Variants in SDK1 observed in about 807,000 individuals in gnomAD.
SDK1 encodes the protein sidekick cell adhesion molecule 1.
In SDK1, 157 loss-of-function variants were observed where a neutral mutation model predicts 245.5. That is an observed-to-expected ratio of 0.64 (90% CI 0.56 to 0.73). The LOEUF (loss-of-function observed/expected upper bound fraction) is 0.73. Ranked by LOEUF, SDK1 falls within the 30% of genes least tolerant of loss-of-function variation. The probability of loss-of-function intolerance (pLI) is 0.00; values close to 1 mark genes in which losing one functional copy is unlikely to be tolerated. For synonymous variants in SDK1, 1,647 were observed against 1,278.5 expected (o/e 1.29, Z -6.15); for missense variants, 3,583 against 3,002.3 (o/e 1.19, Z -4.52).
rs546031240 is a variant in SDK1 at position 3,755,191 on chromosome 7, G to T, written c.714-66259G>T. Among the ~76,000 whole-genome samples, 6 of 152,300 alleles carry T rather than the reference G, an allele frequency of 3.9e-5. No individual in the cohort carries two copies. The East Asian group carries it at 1.2e-3, about 29-fold the overall frequency. On this transcript the variant is annotated intron_variant, in intron 4 of 44. Coordinates refer to ENST00000404826, the MANE Select transcript of SDK1 (RefSeq NM_152744.4). ...CACTCTGATTGGAGGCTGTTGGCCTGGGGAAGCCGGAAGTGGGCTTACTAG... is the reference window on the plus strand; with the variant it reads ...CACTCTGATTGGAGGCTGTTGGCCTTGGGAAGCCGGAAGTGGGCTTACTAG...
rs1438033927 is a variant in SDK1 at position 4,145,849 on chromosome 7, G to A, written c.4356G>A (p.Leu1452=). The A allele has an allele frequency of 6.2e-7, 1 of 1,613,782 alleles. No homozygotes were observed. The highest frequency in any genetic ancestry group is 2.2e-5 in the East Asian group (1 of 44,878). ...CGGAGTCCGCATACATCTTCAGGCT[G>A]TCCGCCAAGACGAGGCAGGGCTGGG... ...LAPESAYIFR[L]SAKTRQGWGE... is the part of the protein sequence containing the mutation. The change falls in exon 29 of 45, where the codon CTG becomes CTA. Residue 1452 remains leucine (L), a synonymous_variant. Transcript: ENST00000404826.
intron 5 of SDK1, among the ~76,000 whole-genome samples, chr7:3,900,197 C>T (rs1424423804): frequency 1.3e-5 from 2 of 152,176 alleles, no homozygotes; most frequent in African/African-American, 4.8e-5. Flanking sequence ...ATATTTTCAT[C>T]CCCATAATTC....
At position 3,432,349 on chromosome 7, in the gene SDK1, T is replaced by C. The variant is rs1418269675; in HGVS notation, c.298+130465T>C. On this transcript the variant is annotated intron_variant, in intron 1 of 44. Coordinates refer to ENST00000404826, the MANE Select transcript of SDK1 (RefSeq NM_152744.4). ...CCAGTCAAGAATGACTGTAGGCAGT[T>C]TCAGTTTATCTGTTGCTACTAGAAT... 3.3e-5 allele frequency among the ~76,000 whole-genome samples: 5 copies of C among 152,032 alleles called. No homozygotes were observed. In the East Asian group the frequency reaches 9.7e-4, roughly 29 times the overall value.
intron 1 of SDK1, among the ~76,000 whole-genome samples, chr7:3,302,707 C>G (rs59365175): frequency 6.6e-6 from 1 of 151,770 alleles, no homozygotes; most frequent in Non-Finnish European, 1.5e-5. Flanking sequence ...AAAACACCCC[C>G]CTCAACCCAG....
intron 4 of SDK1, among the ~76,000 whole-genome samples, chr7:3,660,942 T>A (rs950729295): frequency 6.6e-6 from 1 of 152,238 alleles, no homozygotes; most frequent in Non-Finnish European, 1.5e-5. Context: ...ACTTTAATAG[T>A]CAGGGTCTGT....
chr7:3,836,985 C>T (rs529930527), intron 5 of SDK1, among the ~76,000 whole-genome samples: 15 of 152,140 alleles, frequency 9.9e-5, no homozygotes, highest in African/African-American at 2.9e-4. Context: ...GGAAGGGAGG[C>T]GAGCTTTAGA....
chr7:4,025,352 G>A (rs1240955878), intron 17 of SDK1, among the ~76,000 whole-genome samples: 1 of 152,218 alleles, frequency 6.6e-6, no homozygotes, highest in Admixed American at 6.5e-5. Context: ...AAAGACAGAC[G>A]GGTCTGAGTG....
intron 1 of SDK1, among the ~76,000 whole-genome samples, chr7:3,350,719 T>C (rs756867966): frequency 1.3e-5 from 2 of 152,184 alleles, no homozygotes; most frequent in Non-Finnish European, 2.9e-5. Context: ...CCTTCTACAG[T>C]CACCAATGTC....
intron 4 of SDK1, among the ~76,000 whole-genome samples, chr7:3,772,314 A>T (rs557491968): frequency 6.6e-6 from 1 of 151,958 alleles, no homozygotes; most frequent in East Asian, 1.9e-4. Flanking sequence ...TTGGTATCCT[A>T]AAGTCAAATA....
At chr7:4,105,302 T>C (rs1248892759) in intron 22 of SDK1, among the ~76,000 whole-genome samples, 2 of 150,432 alleles carry the variant, frequency 1.3e-5, no homozygotes, top group Non-Finnish European at 3.0e-5. Flanking sequence ...ATTTTTTGTT[T>C]TTTGTTTGTT....
chr7:3,638,714 G>A (rs1273682467), intron 2 of SDK1, among the ~76,000 whole-genome samples: 5 of 150,808 alleles, frequency 3.3e-5, no homozygotes, highest in African/African-American at 7.3e-5. Context: ...CAGCACACCA[G>A]CATGGCACAT....
intron 44 of SDK1, among the ~76,000 whole-genome samples, chr7:4,261,805 C>T (rs928151293): frequency 5.9e-5 from 9 of 151,954 alleles, no homozygotes; most frequent in Admixed American, 3.3e-4. Flanking sequence ...GAGACGGGGG[C>T]CCTGGGAAGC....
chr7:3,971,179 C>T (rs928837709), intron 11 of SDK1, among the ~76,000 whole-genome samples: 24 of 152,244 alleles, frequency 1.6e-4, no homozygotes, highest in African/African-American at 5.3e-4. Flanking sequence ...CCTAGAACCT[C>T]ATCCACACCT....
rs749802839 is a variant in SDK1, at chr7:4,210,174, G to C, written c.5539+12G>C. ...GGCCCCTGTACAAGGTAAGACCCGG[G>C]GTTGGGGAGATGGGAGCGCGGGCCA... On this transcript the variant is annotated intron_variant, in intron 38 of 44. Coordinates refer to ENST00000404826, the MANE Select transcript of SDK1 (RefSeq NM_152744.4). The C allele has an allele frequency of 6.5e-7, 1 of 1,534,926 alleles. No individual in the cohort carries two copies. The highest frequency in any genetic ancestry group is 8.8e-7 in the Non-Finnish European group (1 of 1,142,542).
At chr7:4,163,454 A>C (rs868666044) in intron 32 of SDK1, among the ~76,000 whole-genome samples, 1 of 152,152 alleles carries the variant, frequency 6.6e-6, no homozygotes. Flanking sequence ...GGAGGCAGGA[A>C]GGGGTCCTGT....
intron 1 of SDK1, among the ~76,000 whole-genome samples, chr7:3,424,636 C>T (rs1779626602): frequency 6.6e-6 from 1 of 152,140 alleles, no homozygotes; most frequent in African/African-American, 2.4e-5. Context: ...AGTGTTCACA[C>T]CGGTAATCCC....
intron 1 of SDK1, among the ~76,000 whole-genome samples, chr7:3,360,020 G>C (rs1250902791): frequency 1.3e-5 from 2 of 152,146 alleles, no homozygotes; most frequent in Non-Finnish European, 2.9e-5. Flanking sequence ...TTTTGCTTCT[G>C]GTTCTGCCAT....
chr7:3,518,299 A>G (rs1782814491), intron 1 of SDK1, among the ~76,000 whole-genome samples: 1 of 152,102 alleles, frequency 6.6e-6, no homozygotes, highest in Non-Finnish European at 1.5e-5. Context: ...TTTTATGAAT[A>G]ATATCTCAAA....
chr7:3,884,748 G>A (rs1387553201), intron 5 of SDK1, among the ~76,000 whole-genome samples: 1 of 152,166 alleles, frequency 6.6e-6, no homozygotes, highest in African/African-American at 2.4e-5. Flanking sequence ...AAGCAAGCGT[G>A]GTTAGATCTC....
Sources: gnomAD v4.1 joint callset for allele counts (sites outside exome capture counted in the v4.1 genomes callset) on GRCh38, gnomAD v4.1.1 for gene constraint, MANE v1.5 for transcripts, NCBI Gene and HGNC (gene_info 2026-07-23, HGNC 2026-07-21) for gene names.